The following TRERF1 variants were observed in gnomAD, a reference collection of about 807,000 sequenced individuals.
TRERF1 encodes transcriptional-regulating factor 1.
A neutral mutation model predicts 122.9 loss-of-function variants in TRERF1; 27 were observed. That is an observed-to-expected ratio of 0.22 (90% confidence interval 0.16 to 0.30). The LOEUF (loss-of-function observed/expected upper bound fraction) is 0.30, where lower values mean the gene tolerates loss of function less well. Ranked by LOEUF, TRERF1 falls within the 10% of genes least tolerant of loss-of-function variation. TRERF1 has a pLI of 1.00. For synonymous variants in TRERF1, 636 were observed against 641.7 expected (o/e 0.99, Z 0.13); for missense variants, 1,248 against 1,560.3 (o/e 0.80, Z 3.37).
intron 4 of TRERF1, among the ~76,000 whole-genome samples, chr6:42,281,471 C>G (rs1326198467): frequency 6.6e-6 from 1 of 152,130 alleles, no homozygotes; most frequent in Admixed American, 6.5e-5. Context: ...TAAAATCTCT[C>G]CCTCTCTCTC....
At position 42,259,750 on chromosome 6, in the gene TRERF1, G is replaced by T. The variant is rs201029799; in HGVS notation, c.1885-27C>A. The T allele has an allele frequency of 3.1e-6, 5 of 1,599,438 alleles. No individual in the cohort carries two copies. On this transcript the variant is annotated intron_variant, in intron 8 of 17. Transcript: ENST00000372922. This position sits in a 1 kb window ranked among gnomAD's most constrained non-coding sequence, Gnocchi z 4.9. ...TAAAACCGGAACAACGATCTGATTC[G>T]AATACTTCAGCTTCCCCCGCAGGCC...
intron 2 of TRERF1, among the ~76,000 whole-genome samples, chr6:42,427,308 A>C (rs1007117314): frequency 1.3e-5 from 2 of 152,136 alleles, no homozygotes; most frequent in Non-Finnish European, 2.9e-5. Context: ...ACCCAGCTGA[A>C]ATTCAATGAT....
At chr6:42,400,316 C>T (rs1779203157) in intron 2 of TRERF1, among the ~76,000 whole-genome samples, 1 of 152,200 alleles carries the variant, frequency 6.6e-6, no homozygotes, top group Non-Finnish European at 1.5e-5. Context: ...CTGATGACAG[C>T]TGCGCAGCCC....
chr6:42,348,455 G>A lies in TRERF1; in HGVS notation c.-371+14542C>T, dbSNP rs896054558. The stretch of plus-strand genomic sequence containing the variant: ...TTTAGTCGAGACGGAGTTTCACCAT[G>A]TTGGCCAGGCTGGTCCCGAACTCCT... On this transcript the variant is annotated intron_variant, in intron 3 of 17. Coordinates refer to ENST00000372922, the Ensembl canonical transcript of TRERF1. 3.3e-5 allele frequency among the ~76,000 whole-genome samples: 5 copies of A among 152,068 alleles called. 1 individual carries two copies. The highest frequency in any genetic ancestry group is 3.3e-4 in the Admixed American group (5 of 15,264).
intron 3 of TRERF1, among the ~76,000 whole-genome samples, chr6:42,311,682 C>T (rs1048294237): frequency 9.6e-5 from 14 of 145,820 alleles, no homozygotes; most frequent in Non-Finnish European, 2.1e-4. Context: ...AGGAGAATGG[C>T]GTGAACCTGG....
intron 2 of TRERF1, among the ~76,000 whole-genome samples, chr6:42,423,375 C>G (rs1582142784): frequency 6.6e-6 from 1 of 152,152 alleles, no homozygotes; most frequent in Non-Finnish European, 1.5e-5. Context: ...CCAGAAAGTG[C>G]CCCTTTCTTA....
chr6:42,349,797 T>C (rs1769050754), intron 3 of TRERF1, among the ~76,000 whole-genome samples: 1 of 152,198 alleles, frequency 6.6e-6, no homozygotes, highest in African/African-American at 2.4e-5. Context: ...TCTTTCATGG[T>C]AACCGCCGAA....
At chr6:42,433,816 A>G (rs1490301468) in intron 2 of TRERF1, among the ~76,000 whole-genome samples, 1 of 152,084 alleles carries the variant, frequency 6.6e-6, no homozygotes, top group Admixed American at 6.5e-5. Context: ...TCAGGAGTTC[A>G]AGACCAGCCT....
chr6:42,351,996 C>T (rs626442), intron 3 of TRERF1, among the ~76,000 whole-genome samples: 44,020 of 152,012 alleles, frequency 0.29, 11,499 homozygotes, highest in African/African-American at 0.69. Flanking sequence ...TAATTTGGTG[C>T]GGGTGTTGTT....
At chr6:42,238,587 T>TG (rs1772818873) in intron 15 of TRERF1, among the ~76,000 whole-genome samples, 1 of 152,028 alleles carries the variant, frequency 6.6e-6, no homozygotes, top group South Asian at 2.1e-4. Flanking sequence ...TGGGCAAATA[T>TG]GGGGGTGGGG....
chr6:42,431,315 T>C (rs1784472369), intron 2 of TRERF1, among the ~76,000 whole-genome samples: 1 of 151,862 alleles, frequency 6.6e-6, no homozygotes, highest in South Asian at 2.1e-4. Flanking sequence ...GGTGGGTAGG[T>C]AGAAAGATAA....
intron 2 of TRERF1, among the ~76,000 whole-genome samples, chr6:42,382,821 C>G (rs1474979613): frequency 2.0e-5 from 3 of 152,034 alleles, no homozygotes; most frequent in African/African-American, 7.2e-5. Flanking sequence ...TTAGTAGCAT[C>G]CCTGGCCTCC....
intron 8 of TRERF1, among the ~76,000 whole-genome samples, chr6:42,261,472 C>T (rs148593859): frequency 1.3e-5 from 2 of 152,238 alleles, no homozygotes; most frequent in African/African-American, 4.8e-5. Flanking sequence ...GTGTTCCACC[C>T]CACCAAGCTA....
At chr6:42,380,581 C>T (rs948740858) in intron 2 of TRERF1, among the ~76,000 whole-genome samples, 1 of 152,198 alleles carries the variant, frequency 6.6e-6, no homozygotes, top group East Asian at 1.9e-4. Flanking sequence ...CCCAAAGAGT[C>T]TAAATGTCTC....
intron 2 of TRERF1, among the ~76,000 whole-genome samples, chr6:42,436,929 G>A (rs901249282): frequency 6.7e-6 from 1 of 149,808 alleles, no homozygotes; most frequent in African/African-American, 2.5e-5. Context: ...GTCTGCTCCA[G>A]GCCTTAGAGG....
At chr6:42,443,586 T>C (rs1018244044) in intron 2 of TRERF1, among the ~76,000 whole-genome samples, 5 of 152,214 alleles carry the variant, frequency 3.3e-5, no homozygotes, top group Admixed American at 2.0e-4. Flanking sequence ...GTTCACAGGA[T>C]TCTTTGTGGA....
At chr6:42,305,073 C>G (rs1020266633) in intron 3 of TRERF1, among the ~76,000 whole-genome samples, 3 of 152,198 alleles carry the variant, frequency 2.0e-5, no homozygotes, top group African/African-American at 7.2e-5. Context: ...GACAGTGCCT[C>G]TAGTACTTAC....
At chr6:42,310,072 A>G (rs190610987) in intron 3 of TRERF1, among the ~76,000 whole-genome samples, 27 of 149,076 alleles carry the variant, frequency 1.8e-4, no homozygotes, top group African/African-American at 6.7e-4. Context: ...CTAAAATTAA[A>G]CTTAACTCAG....
chr6:42,408,835 T>C (rs571595689), intron 2 of TRERF1, among the ~76,000 whole-genome samples: 16 of 152,314 alleles, frequency 1.1e-4, no homozygotes, highest in Admixed American at 7.2e-4. Context: ...TAAGAGTTTG[T>C]AAAACTAACT....
Sources: allele counts gnomAD v4.1 joint callset (sites outside exome capture counted in the v4.1 genomes callset), GRCh38; gene constraint gnomAD v4.1.1; non-coding constraint Gnocchi (gnomAD v3.1); transcripts MANE v1.5; gene names NCBI Gene and HGNC (gene_info 2026-07-23, HGNC 2026-07-21).